Variants in AKAP7 observed in about 807,000 individuals in gnomAD.
AKAP7 encodes A-kinase anchoring protein 7.
In AKAP7, 39 loss-of-function variants were observed where a neutral mutation model predicts 39.5. That is an observed-to-expected ratio of 0.99 (90% CI 0.76 to 1.29). AKAP7 has a LOEUF of 1.29. Ranked by LOEUF, AKAP7 falls within the 50% of genes most tolerant of loss-of-function variation. The pLI, the probability that AKAP7 is intolerant of heterozygous loss-of-function variation, is 0.00. For missense variants in AKAP7, 414 were observed against 407.7 expected, an observed-to-expected ratio of 1.02 and a Z score of -0.13; for synonymous variants, 140 against 139.1, an observed-to-expected ratio of 1.01 and a Z score of -0.05.
chr6:131,258,383 A>G (rs1186775007), intron 7 of AKAP7, among the ~76,000 whole-genome samples: 1 of 152,200 alleles, frequency 6.6e-6, no homozygotes, highest in Admixed American at 6.6e-5. Flanking sequence ...TTTCAGTCTA[A>G]CAAGCAAAGC....
intron 7 of AKAP7, among the ~76,000 whole-genome samples, chr6:131,275,935 G>A (rs1814707987): frequency 2.0e-5 from 3 of 152,208 alleles, no homozygotes; most frequent in Non-Finnish European, 4.4e-5. Flanking sequence ...CAGACTGTAG[G>A]CCAAATGCCT....
At chr6:131,185,527 G>T (rs950941329) in intron 5 of AKAP7, 5 of 207,460 alleles carry the variant, frequency 2.4e-5, no homozygotes. Context: ...CATTCTAATG[G>T]GTATGAGGTG....
chr6:131,146,646 T>C (rs1298013954), intron 2 of AKAP7, among the ~76,000 whole-genome samples: 2 of 152,236 alleles, frequency 1.3e-5, no homozygotes, highest in Non-Finnish European at 2.9e-5. Flanking sequence ...TTCAACTGTT[T>C]GCAACCTTAC....
intron 1 of AKAP7, chr6:131,136,790 T>A: frequency 1.1e-6 from 1 of 913,910 alleles, no homozygotes; most frequent in Non-Finnish European, 1.3e-6. Context: ...AAGGAAAGCC[T>A]GGAGGTCAAG....
At chr6:131,280,868 T>A (rs766504729) in intron 7 of AKAP7, among the ~76,000 whole-genome samples, 2 of 152,204 alleles carry the variant, frequency 1.3e-5, no homozygotes, top group Non-Finnish European at 2.9e-5. Flanking sequence ...GGAAGTAAAA[T>A]GACCATAAAA....
chr6:131,258,527 C>T (rs1258457067), intron 7 of AKAP7, among the ~76,000 whole-genome samples: 1 of 152,192 alleles, frequency 6.6e-6, no homozygotes, highest in Non-Finnish European at 1.5e-5. Flanking sequence ...ACAGTTCCTA[C>T]AGCAAACATC....
rs750811951 is a variant in AKAP7, at chr6:131,282,373, GTTA to G, written c.*652_*654del. ...GTCAGTATGCCATATTTAATGAAAT[GTTA>G]TTATATAATTTTTTTTTCTTAGGCA... is the stretch of plus-strand genomic sequence containing the variant. On this transcript the variant is annotated 3_prime_UTR_variant, in exon 8 of 8. Coordinates refer to ENST00000431975, the MANE Select transcript of AKAP7 (RefSeq NM_016377.4). 7.2e-5 allele frequency: 104 copies of G among 1,437,250 alleles called. No homozygotes were observed. The African/African-American group carries it at 1.1e-3, about 15-fold the overall frequency. 89.0% of individuals were successfully genotyped at this position (1,437,250 alleles called of 1,614,324 possible).
At chr6:131,194,824 A>G (rs1806763797) in intron 5 of AKAP7, among the ~76,000 whole-genome samples, 1 of 152,054 alleles carries the variant, frequency 6.6e-6, no homozygotes. Flanking sequence ...TTTGTCTTGA[A>G]ATGTATTTTC....
intron 7 of AKAP7, 42 bp downstream of exon 7, chr6:131,219,850 T>G: frequency 7.5e-7 from 1 of 1,336,936 alleles, no homozygotes; most frequent in Non-Finnish European, 9.9e-7. Flanking sequence ...TTATTTTTAA[T>G]TTTTTTGGCA....
intron 5 of AKAP7, among the ~76,000 whole-genome samples, chr6:131,197,836 G>A (rs766458990): frequency 3.3e-5 from 5 of 152,186 alleles, no homozygotes; most frequent in African/African-American, 4.8e-5. Flanking sequence ...CAAGTTAAGA[G>A]AGAAAGTAGG....
At chr6:131,226,201 A>G (rs11154621) in intron 7 of AKAP7, among the ~76,000 whole-genome samples, 53,023 of 152,046 alleles carry the variant, frequency 0.35, 9,660 homozygotes, top group Middle Eastern at 0.41. Context: ...GGCTCCTGAG[A>G]GCATCTGAGT....
intron 5 of AKAP7, among the ~76,000 whole-genome samples, chr6:131,183,927 G>C (rs1805552733): frequency 6.6e-6 from 1 of 152,146 alleles, no homozygotes; most frequent in Non-Finnish European, 1.5e-5. Context: ...TCGCCTCTGG[G>C]GGATGGGAAA....
chr6:131,219,858 G>A (rs1474251059), intron 7 of AKAP7, 50 bp downstream of exon 7: 9 of 1,305,416 alleles, frequency 6.9e-6, no homozygotes, highest in African/African-American at 1.6e-5. Context: ...AATTTTTTTG[G>A]CATCACTTTT....
chr6:131,250,667 C>A, intron 7 of AKAP7: 1 of 1,582,568 alleles, frequency 6.3e-7, no homozygotes, highest in Non-Finnish European at 8.7e-7. Context: ...CTATTTTGTG[C>A]GGTTGTCTTC....
At chr6:131,159,995 T>C (rs982055271) in intron 2 of AKAP7, 64 bp from the exon 3 acceptor site, 2 of 1,404,216 alleles carry the variant, frequency 1.4e-6, no homozygotes, top group East Asian at 4.9e-5. Context: ...TGCTTGTTTT[T>C]TTTTCTGACT....
At chr6:131,216,946 G>A (rs925717014) in intron 6 of AKAP7, among the ~76,000 whole-genome samples, 2 of 152,192 alleles carry the variant, frequency 1.3e-5, no homozygotes, top group African/African-American at 4.8e-5. Flanking sequence ...TCTTCTACAT[G>A]TGAAATAATC....
chr6:131,243,164 T>G (rs1264073208), intron 7 of AKAP7, among the ~76,000 whole-genome samples: 2 of 152,148 alleles, frequency 1.3e-5, no homozygotes, highest in Non-Finnish European at 2.9e-5. Flanking sequence ...AACCACCCCT[T>G]GAGTGACACT....
chr6:131,138,039 G>A (rs887137694), intron 1 of AKAP7, among the ~76,000 whole-genome samples: 3 of 152,018 alleles, frequency 2.0e-5, no homozygotes, highest in Non-Finnish European at 4.4e-5. Context: ...AGCATGCTTC[G>A]TTTAACTGTT....
intron 7 of AKAP7, among the ~76,000 whole-genome samples, chr6:131,231,470 A>G (rs1214645719): frequency 1.3e-5 from 2 of 152,214 alleles, no homozygotes; most frequent in Non-Finnish European, 2.9e-5. Flanking sequence ...AAGAGGGAAC[A>G]GTGAAAAAAC....
Sources: gnomAD v4.1 joint callset for allele counts (sites outside exome capture counted in the v4.1 genomes callset) on GRCh38, gnomAD v4.1.1 for gene constraint, MANE v1.5 for transcripts, NCBI Gene and HGNC (gene_info 2026-07-23, HGNC 2026-07-21) for gene names.